The following EPHA5 variants were observed in gnomAD, a reference collection of about 807,000 sequenced individuals.
The protein encoded by EPHA5 is EPH receptor A5.
EPHA5 carries 60 observed loss-of-function variants against 105.0 expected under a neutral mutation model. The ratio of observed to expected loss-of-function variants is 0.57; its 90% CI spans 0.46 to 0.71. The LOEUF is 0.71. Among genes scored for constraint, EPHA5 ranks in the 30% least tolerant of loss-of-function variants. EPHA5 has a pLI of 0.00. For missense variants in EPHA5, 1,218 were observed against 1,274.7 expected (o/e 0.96, Z 0.68); for synonymous variants, 513 against 449.1 (o/e 1.14, Z -1.80).
At chr4:65,629,029 A>T (rs1267368567) in intron 2 of EPHA5, among the ~76,000 whole-genome samples, 1 of 152,230 alleles carries the variant, frequency 6.6e-6, no homozygotes, top group Non-Finnish European at 1.5e-5. Flanking sequence ...AAGAAATAAG[A>T]TGAATTGGAA....
intron 3 of EPHA5, among the ~76,000 whole-genome samples, chr4:65,591,540 A>G (rs921272930): frequency 2.6e-5 from 4 of 151,902 alleles, no homozygotes; most frequent in African/African-American, 9.7e-5. Context: ...AGTTTCACTC[A>G]TATATTTATT....
intron 2 of EPHA5, among the ~76,000 whole-genome samples, chr4:65,608,314 C>CT (rs569885679): frequency 8.5e-5 from 13 of 152,080 alleles, no homozygotes; most frequent in African/African-American, 2.7e-4. Flanking sequence ...ACCATCCTGA[C>CT]TAACACGGTG....
At chr4:65,326,180 A>G (rs531343397) in intron 16 of EPHA5, among the ~76,000 whole-genome samples, 43 of 150,918 alleles carry the variant, frequency 2.8e-4, no homozygotes, top group Non-Finnish European at 5.9e-4. Context: ...CAATAACCCT[A>G]TGATACAGAT....
chr4:65,509,003 T>C (rs1733340356), intron 3 of EPHA5, among the ~76,000 whole-genome samples: 1 of 152,148 alleles, frequency 6.6e-6, no homozygotes, highest in Admixed American at 6.6e-5. Context: ...AAATGTTCAG[T>C]GCAAATCTAT....
At chr4:65,461,800 TA>T (rs1728148037) in intron 5 of EPHA5, among the ~76,000 whole-genome samples, 1 of 152,006 alleles carries the variant, frequency 6.6e-6, no homozygotes, top group Admixed American at 6.6e-5. Flanking sequence ...AGCTGTTTCT[TA>T]AGCTTTGAAA....
At chr4:65,559,347 A>T (rs1167728927) in intron 3 of EPHA5, among the ~76,000 whole-genome samples, 2 of 152,156 alleles carry the variant, frequency 1.3e-5, no homozygotes. Flanking sequence ...GTAAACACAT[A>T]AGGATTTGAA....
In EPHA5 at chr4:65,359,901, C is replaced by T. The variant is rs141947349; in HGVS notation, c.2173+5116G>A. On this transcript the variant is annotated intron_variant, in intron 11 of 16. Transcript: ENST00000613740. ...GATTAAGAGATGGTCTTTGCAGGCA[C>T]CAAAGAGTTTTTACATTGTCTATTC... Among the ~76,000 whole-genome samples, 539 of 151,614 alleles carry T rather than the reference C, an allele frequency of 3.6e-3. 4 individuals are homozygous for T. The highest frequency in any genetic ancestry group is 7.0e-3 in the Admixed American group (106 of 15,156).
intron 3 of EPHA5, among the ~76,000 whole-genome samples, chr4:65,497,671 C>G (rs1732077048): frequency 6.6e-6 from 1 of 151,990 alleles, no homozygotes; most frequent in Non-Finnish European, 1.5e-5. Context: ...ATTTACCATT[C>G]ATGAAACAAA....
chr4:65,650,559 C>CAAAAAAAAAAAAAAAAAAAAAAAAAAA (rs59357895), intron 1 of EPHA5, among the ~76,000 whole-genome samples: 11 of 117,004 alleles, frequency 9.4e-5, no homozygotes, highest in African/African-American at 3.7e-4. Context: ...GACTCAGTCT[C>CAAAAAAAAAAAAAAAAAAAAAAAAAAA]AAAAAAAAAA....
At chr4:65,516,397 T>C (rs1192546559) in intron 3 of EPHA5, among the ~76,000 whole-genome samples, 1 of 149,996 alleles carries the variant, frequency 6.7e-6, no homozygotes, top group Non-Finnish European at 1.5e-5. Context: ...GCTCTCCTGA[T>C]GTTGAGTAGG....
intron 3 of EPHA5, among the ~76,000 whole-genome samples, chr4:65,570,134 T>C (rs1739970527): frequency 6.6e-6 from 1 of 151,708 alleles, no homozygotes. Context: ...AGAGAAGTTC[T>C]TCCCACTCCC....
intron 3 of EPHA5, among the ~76,000 whole-genome samples, chr4:65,496,813 G>A (rs76850835): frequency 0.018 from 2,785 of 152,244 alleles, 103 homozygotes; most frequent in African/African-American, 0.063. Context: ...CACAAAAGGC[G>A]TTCAAAGAGT....
intron 5 of EPHA5, among the ~76,000 whole-genome samples, chr4:65,474,153 T>G (rs1466208170): frequency 3.3e-5 from 5 of 152,058 alleles, no homozygotes; most frequent in African/African-American, 1.2e-4. Flanking sequence ...ACATGTACCC[T>G]AGAACTTAAA....
intron 3 of EPHA5, among the ~76,000 whole-genome samples, chr4:65,515,011 A>T (rs188567448): frequency 6.6e-6 from 1 of 152,044 alleles, no homozygotes; most frequent in Non-Finnish European, 1.5e-5. Context: ...CCACAATCTC[A>T]ATTTTAGACA....
intron 3 of EPHA5, among the ~76,000 whole-genome samples, chr4:65,585,810 TAAAGGAGCATATGTTTTTCTACA>T (rs1393916446): frequency 2.0e-5 from 3 of 151,672 alleles, no homozygotes; most frequent in African/African-American, 7.2e-5. Flanking sequence ...TTACACAAAA[TAAAGGAGCATATGTTTTTCTACA>T]GCAGTATGGA....
intron 3 of EPHA5, among the ~76,000 whole-genome samples, chr4:65,530,411 C>T (rs36183910): frequency 0.49 from 41,828 of 85,480 alleles, 5,879 homozygotes; most frequent in South Asian, 0.56. Context: ...AACAGGTGTA[C>T]ATTTGTGTGT....
At chr4:65,456,723 T>TATAC (rs1553919224) in intron 5 of EPHA5, among the ~76,000 whole-genome samples, 3 of 151,226 alleles carry the variant, frequency 2.0e-5, no homozygotes, top group African/African-American at 4.9e-5. Context: ...AATAAACATA[T>TATAC]ACACACACAC....
intron 4 of EPHA5, among the ~76,000 whole-genome samples, chr4:65,492,960 G>C (rs539289649): frequency 4.0e-5 from 6 of 148,420 alleles, no homozygotes; most frequent in African/African-American, 1.5e-4. Flanking sequence ...CTCTAAGTTA[G>C]AACAATGTCA....
At chr4:65,458,280 A>G (rs756911219) in intron 5 of EPHA5, among the ~76,000 whole-genome samples, 1 of 152,110 alleles carries the variant, frequency 6.6e-6, no homozygotes, top group African/African-American at 2.4e-5. Context: ...GAATTAAATG[A>G]AATATTTATA....
Sources: gnomAD v4.1 joint callset for allele counts (sites outside exome capture counted in the v4.1 genomes callset) on GRCh38, gnomAD v4.1.1 for gene constraint, MANE v1.5 for transcripts, NCBI Gene and HGNC (gene_info 2026-07-23, HGNC 2026-07-21) for gene names.